AZU1: variants seen among roughly 807,000 people sequenced by gnomAD.
AZU1 encodes the protein azurocidin 1.
Under a neutral mutation model 17.8 loss-of-function variants are expected in AZU1, and 21 were observed. That is an observed-to-expected ratio of 1.18 (90% CI 0.84 to 1.70). AZU1 has a LOEUF of 1.70. AZU1 is among the 40% of genes most tolerant of loss of function. AZU1 has a pLI of 0.00. For synonymous variants in AZU1, 178 were observed against 155.2 expected, an observed-to-expected ratio of 1.15 and a Z score of -1.09; for missense variants, 379 against 362.9, an observed-to-expected ratio of 1.04 and a Z score of -0.36.
Position 831,944 on chromosome 19 carries a change from C to A in AZU1, c.*67C>A. 6.5e-7 allele frequency: 1 copy of A among 1,528,300 alleles called. No homozygotes were observed. Among genetic ancestry groups the A allele is most frequent in the South Asian group, 1.2e-5 (1 of 83,428 alleles). 94.7% of individuals were successfully genotyped at this position (1,528,300 alleles called of 1,614,324 possible). A position where few individuals can be genotyped will look rare whatever the true frequency, so the allele number is the denominator to read the frequency against. ...CACCTCCGGCGCTCCGCACCCACCT[C>A]CCACGGCCCCGCCCCTGCCCCCGCT... is the stretch of plus-strand genomic sequence containing the variant. On this transcript the variant is annotated 3_prime_UTR_variant, in exon 5 of 5. Transcript: ENST00000233997.
At chr19:831,451 A>C in intron 4 of AZU1, 1 of 482,320 alleles carries the variant, frequency 2.1e-6, no homozygotes, top group Non-Finnish European at 3.7e-6. Flanking sequence ...CAGGCATGGT[A>C]GAGCCGGTCA....
intron 3 of AZU1, among the ~76,000 whole-genome samples, chr19:830,192 G>A (rs1056406417): frequency 1.3e-5 from 2 of 152,100 alleles, no homozygotes; most frequent in Non-Finnish European, 2.9e-5. Context: ...CCCGGGAGGC[G>A]GAGCTTGCAG....
intron 4 of AZU1, chr19:831,326 C>G: frequency 6.3e-6 from 2 of 318,376 alleles, no homozygotes; most frequent in Non-Finnish European, 1.2e-5. Flanking sequence ...GATCGACCCA[C>G]CTTGGCCTCC....
chr19:831,314 A>AAG, intron 4 of AZU1: 7 of 309,638 alleles, frequency 2.3e-5, no homozygotes, highest in Middle Eastern at 9.5e-4. Flanking sequence ...TCCTGACCTC[A>AAG]TGATCGACCC....
intron 4 of AZU1, chr19:831,218 T>C (rs1410406442): frequency 6.7e-6 from 3 of 445,100 alleles, no homozygotes; most frequent in South Asian, 3.7e-5. Flanking sequence ...GTAGCTGGGA[T>C]TACAGGCATG....
At position 831,978 on chromosome 19, in the gene AZU1, AGGGGCCC is replaced by A; in HGVS notation, c.*102_*108del. The A allele has an allele frequency of 7.3e-7, 1 of 1,374,574 alleles. No individual in the cohort carries two copies. Among genetic ancestry groups the A allele is most frequent in the Admixed American group, 2.3e-5 (1 of 43,802 alleles). The allele number at this position is 1,374,574 out of a possible 1,614,324, so 85.1% of individuals were successfully genotyped here. A position where few individuals can be genotyped will look rare whatever the true frequency, so the allele number is the denominator to read the frequency against. ...CCGCCCCTGCCCCCGCTCCGGCCAG[AGGGGCCC>A]TGGCTGTAATAAAGAAGCCGATCTC... On this transcript the variant is annotated 3_prime_UTR_variant, in exon 5 of 5. Transcript: ENST00000233997.
At chr19:829,789 CA>C (rs1277484193) in intron 3 of AZU1, 83 bp downstream of exon 3, 6 of 1,501,646 alleles carry the variant, frequency 4.0e-6, no homozygotes, top group Non-Finnish European at 5.4e-6. Context: ...TTGGTCTCTA[CA>C]AAAAAATACA....
chr19:829,677 C>G lies in AZU1; in HGVS notation c.331C>G (p.Gln111Glu), dbSNP rs1022166643. The G allele has an allele frequency of 2.5e-6, 4 of 1,613,404 alleles. No homozygotes were observed. The highest frequency in any genetic ancestry group is 3.4e-6 in the Non-Finnish European group (4 of 1,179,968). Residue 111 changes from glutamine (Q) to glutamate (E), a missense_variant, in exon 3 of 5, where the codon CAG becomes GAG. Gln to Glu is a conservative substitution (Grantham distance 29). Transcript: ENST00000233997. ...GAGCGAGAATGGCTACGACCCCCAGCAGAACCTGAACGACCTGATGCTGCT... is the reference window on the plus strand; with the variant it reads ...GAGCGAGAATGGCTACGACCCCCAGGAGAACCTGAACGACCTGATGCTGCT... ...SMSENGYDPQ[Q>E]NLNDLMLLQL... is the part of the protein sequence containing the mutation.
rs1043683743 is a variant in AZU1 at position 829,828 on chromosome 19, C to T, written c.360+122C>T. On this transcript the variant is annotated intron_variant, in intron 3 of 4. Transcript: ENST00000233997. ...AATTAGCCGGGAGTGGTGGCGCGCA[C>T]CTGTGGCCCCTGTGCTTCAGGAGGC... 2.9e-5 allele frequency: 39 copies of T among 1,329,660 alleles called. No homozygotes were observed. In the African/African-American group the frequency reaches 3.4e-4, roughly 12 times the overall value. 82.4% of individuals were successfully genotyped at this position (1,329,660 alleles called of 1,614,324 possible). A position where few individuals can be genotyped will look rare whatever the true frequency, so the allele number is the denominator to read the frequency against.
At chr19:831,689 GC>G (rs1568293690) in intron 4 of AZU1, 26 bp from the exon 5 acceptor site, 1 of 1,565,274 alleles carries the variant, frequency 6.4e-7, no homozygotes, top group South Asian at 1.2e-5. Context: ...GCCCTGGGAC[GC>G]CCTGACACAG....
In AZU1 at chr19:830,782, C is replaced by T. The variant is rs1352361975; in HGVS notation, c.435C>T (p.Ala145=). ...PLPLQNATVE[A]GTRCQVAGWG... ...CTCTGCAGAACGCCACGGTGGAAGC[C>T]GGCACCAGATGCCAGGTGGCCGGCT... Residue 145 remains alanine, a synonymous_variant, in exon 4 of 5, where the codon GCC becomes GCT. Transcript: ENST00000233997. 37 of 1,605,254 alleles carry T rather than the reference C, an allele frequency of 2.3e-5. No homozygotes were observed. The highest frequency in any genetic ancestry group is 5.0e-5 in the Admixed American group (3 of 59,954).
Position 831,958 on chromosome 19 carries a change from C to T in AZU1, c.*81C>T, listed in dbSNP as rs2035294970. On this transcript the variant is annotated 3_prime_UTR_variant, in exon 5 of 5. Transcript: ENST00000233997. ...CGCACCCACCTCCCACGGCCCCGCCCCTGCCCCCGCTCCGGCCAGAGGGGC... is the reference window on the plus strand; with the variant it reads ...CGCACCCACCTCCCACGGCCCCGCCTCTGCCCCCGCTCCGGCCAGAGGGGC... The T allele has an allele frequency of 6.8e-6, 10 of 1,474,760 alleles. No individual in the cohort carries two copies. The highest frequency in any genetic ancestry group is 4.1e-5 in the Admixed American group (2 of 49,260). 91.4% of individuals were successfully genotyped at this position (1,474,760 alleles called of 1,614,324 possible).
intron 3 of AZU1, among the ~76,000 whole-genome samples, chr19:829,936 ATG>A (rs59995493): frequency 0.22 from 29,602 of 137,442 alleles, 3,118 homozygotes; most frequent in Admixed American, 0.29. Context: ...AAAAATATAT[ATG>A]TGTGTGTGTG....
rs746661058 is a variant in AZU1 at position 831,698 on chromosome 19, C to T, written c.595-18C>T. 6.3e-7 allele frequency: 1 copy of T among 1,582,384 alleles called. No individual in the cohort carries two copies. Among genetic ancestry groups the T allele is most frequent in the Middle Eastern group, 1.7e-4 (1 of 5,782 alleles). On this transcript the variant is annotated intron_variant, in intron 4 of 4. Transcript: ENST00000233997. ...AGCCAGGCCCTGGGACGCCCTGACA[C>T]AGCTGCTGCCTGCCCAGGGGGACGG...
intron 2 of AZU1, among the ~76,000 whole-genome samples, chr19:829,266 A>G: frequency 7.8e-6 from 1 of 127,510 alleles, no homozygotes; most frequent in African/African-American, 2.8e-5. Flanking sequence ...AGGTGCAGAG[A>G]AGGGGAGGGG....
chr19:831,878 G>T lies in AZU1; in HGVS notation c.*1G>T, dbSNP rs556414543. 6.2e-7 allele frequency: 1 copy of T among 1,610,642 alleles called. No homozygotes were observed. The highest frequency in any genetic ancestry group is 2.2e-5 in the East Asian group (1 of 44,842). ...CAACCCGGGACCGGGGCCAGCCTAG[G>T]GGGGCCTGTGACCTCCCATGGAGCC... On this transcript the variant is annotated 3_prime_UTR_variant, in exon 5 of 5. Coordinates refer to ENST00000233997, the MANE Select transcript of AZU1 (RefSeq NM_001700.5).
chr19:830,983 C>A lies in AZU1; in HGVS notation c.594+42C>A, dbSNP rs924600461. The A allele has an allele frequency of 3.2e-6, 5 of 1,567,394 alleles. No individual in the cohort carries two copies. In the African/African-American group the frequency reaches 6.8e-5, roughly 21 times the overall value. ...GCGGGAGGAGGGGTCCTGAGAGGTA[C>A]TGAGCTCTCCGTGGCAGGAGAAAGC... On this transcript the variant is annotated intron_variant, in intron 4 of 4. Coordinates refer to ENST00000233997, the MANE Select transcript of AZU1 (RefSeq NM_001700.5).
intron 4 of AZU1, chr19:831,401 C>T (rs540428990): frequency 5.9e-5 from 23 of 390,144 alleles, no homozygotes; most frequent in Middle Eastern, 7.1e-4. Context: ...TATCAAACGC[C>T]GGCTGTGAGC....
chr19:831,076 G>A, intron 4 of AZU1, 135 bp downstream of exon 4: 1 of 702,654 alleles, frequency 1.4e-6, no homozygotes, highest in South Asian at 2.0e-5. Flanking sequence ...AGGAGAAACA[G>A]TATCTTTTTT....
Sources: allele counts gnomAD v4.1 joint callset (sites outside exome capture counted in the v4.1 genomes callset), GRCh38; gene constraint gnomAD v4.1.1; transcripts MANE v1.5; gene names NCBI Gene and HGNC (gene_info 2026-07-23, HGNC 2026-07-21).